Variants in ADGRG4 observed in about 807,000 individuals in gnomAD.
ADGRG4 encodes the protein G protein-coupled receptor 112.
In ADGRG4, 122 loss-of-function variants were observed where a neutral mutation model predicts 126.2. The ratio of observed to expected loss-of-function variants is 0.97; its 90% CI spans 0.83 to 1.12. ADGRG4 has a LOEUF of 1.12. Ranked by LOEUF, ADGRG4 falls within the 50% of genes most tolerant of loss-of-function variation. The pLI, the probability that ADGRG4 is intolerant of heterozygous loss-of-function variation, is 0.00. For missense variants in ADGRG4, 2,481 were observed against 2,251.8 expected, an observed-to-expected ratio of 1.10 and a Z score of -2.06; for synonymous variants, 943 against 838.7, an observed-to-expected ratio of 1.12 and a Z score of -2.15.
chrX:136,345,712 A>G lies in ADGRG4; in HGVS notation c.2006A>G (p.Asn669Ser). Residue 669 changes from asparagine (N) to serine (S), a missense_variant, in exon 6 of 26, where the codon AAC becomes AGC. Physicochemically the swap from Asn to Ser is conservative, Grantham distance 46. Transcript: ENST00000394143. ...GACCAGGCCCTGCTGGCATCTATGA[A>G]CACAACCACCATACTCACATTTGTG... ...RPDQALLASM[N>S]TTTILTFVPN... 1 of 1,211,553 alleles carries G rather than the reference A, an allele frequency of 8.3e-7. No individual in the cohort carries two copies. The highest frequency in any genetic ancestry group is 1.8e-5 in the South Asian group (1 of 56,961).
intron 13 of ADGRG4, among the ~76,000 whole-genome samples, chrX:136,370,554 G>A (rs747710849): frequency 1.8e-5 from 2 of 111,826 alleles, no homozygotes; most frequent in South Asian, 3.7e-4. Context: ...TATTGTGGTC[G>A]TGACATGTAA....
At position 136,405,733 on chromosome X, in the gene ADGRG4, T is replaced by C; in HGVS notation, c.8696T>C (p.Val2899Ala). 8.4e-7 allele frequency: 1 copy of C among 1,189,282 alleles called. No individual in the cohort carries two copies. Among genetic ancestry groups the C allele is most frequent in the Non-Finnish European group, 1.1e-6 (1 of 880,805 alleles). ...KDDSIFYISV[V>A]AYFCLIFLMN... ...GATTCTATCTTTTACATCTCAGTGG[T>C]GGCTTATTTTTGCCTCATATTTCTC... is the stretch of plus-strand genomic sequence containing the variant. The change falls in exon 23 of 26, where the codon GTG (valine) becomes GCG (alanine). Residue 2899 changes from valine (V) to alanine (A), a missense_variant. Coordinates refer to ENST00000394143, the MANE Select transcript of ADGRG4 (RefSeq NM_153834.4).
In ADGRG4 at chrX:136,347,696, A is replaced by G. The variant is rs774312616; in HGVS notation, c.3990A>G (p.Ser1330=). ...LGTPSDGNLA[S]SPTSGSTQIT... ...CTCCCTCTGATGGAAATTTGGCTTC[A>G]TCTCCCACTTCTGGAAGCACACAGA... is the stretch of plus-strand genomic sequence containing the variant. Residue 1330 remains serine, a synonymous_variant, in exon 6 of 26, where the codon TCA becomes TCG. Coordinates refer to ENST00000394143, the MANE Select transcript of ADGRG4 (RefSeq NM_153834.4). 45 of 1,208,357 alleles carry G rather than the reference A, an allele frequency of 3.7e-5. No individual in the cohort carries two copies. In the Admixed American group the frequency reaches 9.0e-4, roughly 24 times the overall value.
intron 16 of ADGRG4, among the ~76,000 whole-genome samples, chrX:136,391,631 A>G (rs918765850): frequency 2.7e-5 from 3 of 112,225 alleles, no homozygotes; most frequent in Admixed American, 9.4e-5. Flanking sequence ...CACTGTGGGC[A>G]CAAGACACCT....
At chrX:136,325,526 C>CT (rs1228158458) in intron 5 of ADGRG4, among the ~76,000 whole-genome samples, 2 of 111,359 alleles carry the variant, frequency 1.8e-5, no homozygotes, top group African/African-American at 6.5e-5. Flanking sequence ...TTTAAAGTAA[C>CT]TTTATCTTTG....
chrX:136,369,796 C>T (rs1173608973), intron 13 of ADGRG4, among the ~76,000 whole-genome samples: 2 of 111,991 alleles, frequency 1.8e-5, no homozygotes, highest in Non-Finnish European at 3.8e-5. Context: ...CTTGTTTAAT[C>T]TCCTGTCCTC....
chrX:136,409,570 T>G (rs1440205045), intron 23 of ADGRG4, among the ~76,000 whole-genome samples: 2 of 111,830 alleles, frequency 1.8e-5, no homozygotes, highest in African/African-American at 6.5e-5. Context: ...AGGTGGCTGC[T>G]GCTCAGAAAA....
rs896060000 is a variant in ADGRG4, at chrX:136,344,426, T to C, written c.720T>C (p.Ser240=). The change falls in exon 6 of 26, where the codon AGT becomes AGC. Residue 240 remains serine, a synonymous_variant. Transcript: ENST00000394143. Reference sequence around the variant, plus strand: ...AAAATATGACAATTCAAGAAAAAAGTACAACTGTTTCACAACAGATAGATA... The same window carrying C: ...AAAATATGACAATTCAAGAAAAAAGCACAACTGTTTCACAACAGATAGATA... ...VPENMTIQEK[S]TTVSQQIDMT... 3.4e-6 allele frequency: 4 copies of C among 1,167,950 alleles called. No individual in the cohort carries two copies. In the African/African-American group the frequency reaches 5.4e-5, roughly 16 times the overall value.
chrX:136,385,075 C>T (rs1321329931), intron 15 of ADGRG4, among the ~76,000 whole-genome samples: 1 of 111,373 alleles, frequency 9.0e-6, no homozygotes, highest in Non-Finnish European at 1.9e-5. Flanking sequence ...TCTTTTGATA[C>T]TCCCCCACAT....
chrX:136,393,350 G>A (rs1003114183), intron 17 of ADGRG4, among the ~76,000 whole-genome samples, 185 bp from the exon 18 acceptor site: 4 of 111,768 alleles, frequency 3.6e-5, no homozygotes, highest in African/African-American at 1.3e-4. Flanking sequence ...AGAGTTAGAT[G>A]GTGGAGTTAG....
intron 5 of ADGRG4, among the ~76,000 whole-genome samples, chrX:136,339,756 T>A (rs951694296): frequency 4.4e-5 from 5 of 112,373 alleles, no homozygotes; most frequent in Non-Finnish European, 9.4e-5. Flanking sequence ...ATTTCCAGGA[T>A]TTATAGTTGT....
intron 5 of ADGRG4, among the ~76,000 whole-genome samples, chrX:136,342,836 T>C (rs1406511219): frequency 9.1e-6 from 1 of 109,673 alleles, no homozygotes; most frequent in African/African-American, 3.3e-5. Flanking sequence ...GAAAAAATTT[T>C]CTTTTTATCC....
intron 4 of ADGRG4, among the ~76,000 whole-genome samples, 196 bp from the exon 5 acceptor site, chrX:136,322,580 CTT>C (rs2074845512): frequency 9.0e-6 from 1 of 111,714 alleles, no homozygotes; most frequent in Non-Finnish European, 1.9e-5. Context: ...GGAAGAAACT[CTT>C]CTGCCAAAAC....
chrX:136,369,026 C>T (rs753288322), intron 13 of ADGRG4, among the ~76,000 whole-genome samples: 17 of 111,763 alleles, frequency 1.5e-4, no homozygotes, highest in Admixed American at 6.7e-4. Flanking sequence ...GACCAGTCAG[C>T]ATCAATTGCC....
In ADGRG4 at chrX:136,344,891, G is replaced by A. The variant is rs745753441; in HGVS notation, c.1185G>A (p.Ser395=). ...VSTTSAIKSQ[S]AVTKTTSLFS... ...CAACTTCAGCAATTAAATCTCAGTC[G>A]GCTGTTACGAAGACAACATCTTTAT... The change falls in exon 6 of 26, where the codon TCG becomes TCA. Residue 395 remains serine, a synonymous_variant. Coordinates refer to ENST00000394143, the MANE Select transcript of ADGRG4 (RefSeq NM_153834.4). 204 of 1,209,269 alleles carry A rather than the reference G, an allele frequency of 1.7e-4. No individual in the cohort carries two copies. Among genetic ancestry groups the A allele is most frequent in the Non-Finnish European group, 2.0e-4 (182 of 894,384 alleles).
chrX:136,337,901 C>T (rs1191340997), intron 5 of ADGRG4, among the ~76,000 whole-genome samples: 1 of 111,145 alleles, frequency 9.0e-6, no homozygotes, highest in African/African-American at 3.3e-5. Flanking sequence ...ACATTCAGCC[C>T]CACTGTCTTT....
intron 5 of ADGRG4, among the ~76,000 whole-genome samples, chrX:136,331,997 T>G (rs758661120): frequency 2.7e-5 from 3 of 109,469 alleles, no homozygotes; most frequent in African/African-American, 1.0e-4. Flanking sequence ...TTTGTATTTT[T>G]TTTTAATTTT....
rs199846205 is a variant in ADGRG4, at chrX:136,345,916, C to A, written c.2210C>A (p.Ala737Asp). ...TCCAAATTGACATCACCATGGTTTG[C>A]TAATTTCTCCATAGTTTCTGGAACC... ...AVSKLTSPWF[A>D]NFSIVSGTTS... Residue 737 changes from alanine (A) to aspartate (D), a missense_variant, in exon 6 of 26, where the codon GCT becomes GAT. Coordinates refer to ENST00000394143, the MANE Select transcript of ADGRG4 (RefSeq NM_153834.4). The A allele has an allele frequency of 8.3e-7, 1 of 1,207,963 alleles. No individual in the cohort carries two copies. The highest frequency in any genetic ancestry group is 1.1e-6 in the Non-Finnish European group (1 of 893,315).
chrX:136,386,928 AT>A (rs2075294958), intron 15 of ADGRG4, among the ~76,000 whole-genome samples: 2 of 112,296 alleles, frequency 1.8e-5, no homozygotes, highest in Non-Finnish European at 3.8e-5. Flanking sequence ...ATGAACAGAA[AT>A]TTATTGGTTC....
Sources: allele counts gnomAD v4.1 joint callset (sites outside exome capture counted in the v4.1 genomes callset), GRCh38; gene constraint gnomAD v4.1.1; transcripts MANE v1.5; gene names NCBI Gene and HGNC (gene_info 2026-07-23, HGNC 2026-07-21).